Variants in RASGEF1C observed in about 807,000 individuals in gnomAD.
The protein encoded by RASGEF1C is RasGEF domain family member 1C, also known as ras-GEF domain-containing family member 1C.
In RASGEF1C, 27 loss-of-function variants were observed where a neutral mutation model predicts 58.1. The observed-to-expected ratio is 0.46, with a 90% CI of 0.34 to 0.64. The LOEUF (loss-of-function observed/expected upper bound fraction) is 0.64. RASGEF1C is among the 30% of genes least tolerant of loss of function. RASGEF1C has a pLI of 0.01. For missense variants in RASGEF1C, 502 were observed against 605.1 expected (o/e 0.83, Z 1.79); for synonymous variants, 243 against 246.3 (o/e 0.99, Z 0.13).
chr5:180,182,528 C>CTGCTGATTGGTCCATTTTACAGAG (rs1043363382), intron 1 of RASGEF1C, among the ~76,000 whole-genome samples: 1 of 152,206 alleles, frequency 6.6e-6, no homozygotes, highest in Non-Finnish European at 1.5e-5. Flanking sequence ...TGCCCATGTC[C>CTGCTGATTGGTCCATTTTACAGAG]TGCTGATTGG....
Position 180,193,216 on chromosome 5 carries a change from C to T in RASGEF1C, c.-7+15812G>A, listed in dbSNP as rs531452844. On this transcript the variant is annotated intron_variant, in intron 1 of 13. Coordinates refer to ENST00000361132, the MANE Select transcript of RASGEF1C (RefSeq NM_175062.4). ...GACTACAGGTGCCCGCCACCGCACC[C>T]GGCTAATTTCTTGTATTTTTAGTAG... Among the ~76,000 whole-genome samples, 287 of 122,362 alleles carry T rather than the reference C, an allele frequency of 2.3e-3. 8 individuals are homozygous for T. The South Asian group carries it at 0.037, about 16-fold the overall frequency. The allele number at this position is 122,362 out of a possible 152,430, so 80.3% of individuals were successfully genotyped here.
At chr5:180,208,482 G>C (rs1432544563) in intron 1 of RASGEF1C, among the ~76,000 whole-genome samples, 1 of 152,154 alleles carries the variant, frequency 6.6e-6, no homozygotes, top group Non-Finnish European at 1.5e-5. Context: ...CACTGCGTGA[G>C]GGACACACCC....
At chr5:180,111,914 T>C (rs1408563095) in intron 11 of RASGEF1C, among the ~76,000 whole-genome samples, 1 of 152,228 alleles carries the variant, frequency 6.6e-6, no homozygotes, top group Non-Finnish European at 1.5e-5. Context: ...TGTGATTTTA[T>C]TTAAGTAAAA....
chr5:180,173,916 A>AACC (rs386405823), intron 1 of RASGEF1C, among the ~76,000 whole-genome samples: 292 of 145,180 alleles, frequency 2.0e-3, no homozygotes, highest in Non-Finnish European at 3.2e-3. Flanking sequence ...GTCTCAAAAC[A>AACC]ACCACCAAAA....
At chr5:180,208,380 C>T (rs1756528356) in intron 1 of RASGEF1C, among the ~76,000 whole-genome samples, 1 of 152,140 alleles carries the variant, frequency 6.6e-6, no homozygotes, top group Non-Finnish European at 1.5e-5. Flanking sequence ...GGGGCGGCGT[C>T]GCCAGCACCC....
rs1475557172 is a variant in RASGEF1C, at chr5:180,158,250, A to G, written c.-6-20192T>C. Among the ~76,000 whole-genome samples, 3 of 152,124 alleles carry G rather than the reference A, an allele frequency of 2.0e-5. No homozygotes were observed. Among genetic ancestry groups the G allele is most frequent in the South Asian group, 2.1e-4 (1 of 4,824 alleles). ...TCTGGATGTGGTACGAAGCTGTTAC[A>G]CTGAGATCACCTTTCACCATCCTCC... On this transcript the variant is annotated intron_variant, in intron 1 of 13. Coordinates refer to ENST00000361132, the MANE Select transcript of RASGEF1C (RefSeq NM_175062.4). The surrounding 1 kb of genome is among the most constrained non-coding windows in gnomAD (Gnocchi z 4.0).
At chr5:180,131,427 C>T (rs1766367537) in intron 4 of RASGEF1C, among the ~76,000 whole-genome samples, 1 of 151,778 alleles carries the variant, frequency 6.6e-6, no homozygotes, top group South Asian at 2.1e-4. Context: ...CTGGCACGTT[C>T]TCCTCATCCA....
Position 180,101,719 on chromosome 5 carries a change from G to A in RASGEF1C, c.1377-194C>T, listed in dbSNP as rs556225732. On this transcript the variant is annotated intron_variant, in intron 13 of 13. Transcript: ENST00000361132. The stretch of plus-strand genomic sequence containing the variant: ...GATCATTTCCGACCGCCACTTGGAC[G>A]TGTTAACACGCCGAGCAAGAAGGAG... Among the ~76,000 whole-genome samples, 8 of 152,362 alleles carry A rather than the reference G, an allele frequency of 5.3e-5. No individual in the cohort carries two copies. In the South Asian group the frequency reaches 1.7e-3, roughly 32 times the overall value.
In RASGEF1C at chr5:180,166,605, T is replaced by G. The variant is rs573835987; in HGVS notation, c.-6-28547A>C. On this transcript the variant is annotated intron_variant, in intron 1 of 13. Transcript: ENST00000361132. ...ATCTCAGCTCACTGCAACCTCCACC[T>G]CCTGGATTAAGGCGATTCTCCTGCC... is the stretch of plus-strand genomic sequence containing the variant. 3.3e-5 allele frequency among the ~76,000 whole-genome samples: 5 copies of G among 150,418 alleles called. No homozygotes were observed. The East Asian group carries it at 9.9e-4, about 30-fold the overall frequency.
intron 1 of RASGEF1C, among the ~76,000 whole-genome samples, chr5:180,173,639 G>A (rs1000115785): frequency 6.6e-6 from 1 of 152,184 alleles, no homozygotes; most frequent in Non-Finnish European, 1.5e-5. Context: ...AGTTGGCCGG[G>A]CACGGTGGCT....
rs945338874 is a variant in RASGEF1C, at chr5:180,155,615, C to A, written c.-6-17557G>T. Among the ~76,000 whole-genome samples, 10 of 152,044 alleles carry A rather than the reference C, an allele frequency of 6.6e-5. No individual in the cohort carries two copies. The highest frequency in any genetic ancestry group is 1.3e-4 in the Non-Finnish European group (9 of 68,012). On this transcript the variant is annotated intron_variant, in intron 1 of 13. Coordinates refer to ENST00000361132, the MANE Select transcript of RASGEF1C (RefSeq NM_175062.4). This position sits in a 1 kb window ranked among gnomAD's most constrained non-coding sequence, Gnocchi z 5.2. ...AGGCAATCTGTTGGATGCGAGGCGA[C>A]AGCACCAAGACCCACGGCAGATTGG...
rs370743590 is a variant in RASGEF1C, at chr5:180,137,920, T to C, written c.133A>G (p.Thr45Ala). 319 of 1,613,256 alleles carry C rather than the reference T, an allele frequency of 2.0e-4. 1 individual carries two copies. The highest frequency in any genetic ancestry group is 3.4e-4 in the Middle Eastern group (2 of 5,944). ...GTGGGCACCAGGTGCTGGATCAGTG[T>C]TTCCAGGGAGGCTGAGGATGGCGCT... is the stretch of plus-strand genomic sequence containing the variant. ...DGAPSSASLE[T>A]LIQHLVPTAD... Residue 45 changes from threonine (T) to alanine (A), a missense_variant, in exon 2 of 14, where the codon ACA (threonine) becomes GCA (alanine). Transcript: ENST00000361132. The surrounding 1 kb of genome is among the most constrained non-coding windows in gnomAD (Gnocchi z 4.1).
intron 4 of RASGEF1C, among the ~76,000 whole-genome samples, chr5:180,135,474 C>T (rs981383186): frequency 3.3e-5 from 5 of 152,214 alleles, no homozygotes; most frequent in African/African-American, 1.2e-4. Flanking sequence ...ACATGTGCCC[C>T]CGCCCACGTT....
chr5:180,149,841 T>A (rs1013567850), intron 1 of RASGEF1C, among the ~76,000 whole-genome samples: 1 of 152,278 alleles, frequency 6.6e-6, no homozygotes, highest in Non-Finnish European at 1.5e-5. Context: ...TTGATTATAA[T>A]GTGTCTCACT....
intron 13 of RASGEF1C, 122 bp from the exon 14 acceptor site, chr5:180,101,647 G>A (rs954503729): frequency 6.5e-6 from 8 of 1,235,142 alleles, no homozygotes; most frequent in Non-Finnish European, 9.1e-6. Flanking sequence ...CCCCAGAGGG[G>A]TGTTCTGCAA....
At chr5:180,196,762 C>T (rs540759401) in intron 1 of RASGEF1C, among the ~76,000 whole-genome samples, 1 of 152,266 alleles carries the variant, frequency 6.6e-6, no homozygotes, top group African/African-American at 2.4e-5. Context: ...CTTGCTTGGT[C>T]ATGCTGGCGG....
chr5:180,129,151 AG>A (rs200871270), intron 4 of RASGEF1C, among the ~76,000 whole-genome samples: 1,931 of 152,318 alleles, frequency 0.013, 22 homozygotes, highest in Admixed American at 0.028. Flanking sequence ...TGTGCCCCCC[AG>A]GGCTGGCAGT....
chr5:180,127,592 C>T lies in RASGEF1C; in HGVS notation c.714+17G>A, dbSNP rs747953348. On this transcript the variant is annotated intron_variant, in intron 6 of 13. Coordinates refer to ENST00000361132, the MANE Select transcript of RASGEF1C (RefSeq NM_175062.4). Reference sequence around the variant, plus strand: ...GGGTGAGGCTCACTTTTGGGACAGCCCGTAAGAGCCTCCTACCTTTGTGCT... The same window carrying T: ...GGGTGAGGCTCACTTTTGGGACAGCTCGTAAGAGCCTCCTACCTTTGTGCT... The T allele has an allele frequency of 6.2e-7, 1 of 1,604,112 alleles. No homozygotes were observed. The highest frequency in any genetic ancestry group is 8.5e-7 in the Non-Finnish European group (1 of 1,175,896).
intron 1 of RASGEF1C, among the ~76,000 whole-genome samples, chr5:180,199,988 G>C (rs1480077997): frequency 6.6e-6 from 1 of 152,150 alleles, no homozygotes; most frequent in East Asian, 1.9e-4. Flanking sequence ...CGGGTCGGAC[G>C]TGGTGGCTCA....
Sources: gnomAD v4.1 joint callset for allele counts (sites outside exome capture counted in the v4.1 genomes callset) on GRCh38, gnomAD v4.1.1 for gene constraint, Gnocchi (gnomAD v3.1) non-coding constraint, MANE v1.5 for transcripts, NCBI Gene and HGNC (gene_info 2026-07-23, HGNC 2026-07-21) for gene names.